Variants in ANKS1B observed in about 807,000 individuals in gnomAD.
ANKS1B encodes the protein ankyrin repeat and sterile alpha motif domain-containing protein 1B.
ANKS1B carries 36 observed loss-of-function variants against 148.3 expected under a neutral mutation model. The ratio of observed to expected loss-of-function variants is 0.24; its 90% CI spans 0.19 to 0.32. ANKS1B has a LOEUF of 0.32. Ranked by LOEUF, ANKS1B falls within the 10% of genes least tolerant of loss-of-function variation. The pLI, the probability that ANKS1B is intolerant of heterozygous loss-of-function variation, is 1.00. For missense variants in ANKS1B, 1,157 were observed against 1,542.6 expected, an observed-to-expected ratio of 0.75 and a Z score of 4.19; for synonymous variants, 542 against 560.8, an observed-to-expected ratio of 0.97 and a Z score of 0.47.
chr12:98,756,789 G>A (rs183518650), intron 25 of ANKS1B, among the ~76,000 whole-genome samples: 1,926 of 149,098 alleles, frequency 0.013, 22 homozygotes, highest in Admixed American at 0.03. Context: ...GTACAATGGC[G>A]CGATCTTGGC....
At chr12:99,544,242 T>G (rs2097153029) in intron 9 of ANKS1B, among the ~76,000 whole-genome samples, 1 of 152,120 alleles carries the variant, frequency 6.6e-6, no homozygotes, top group Admixed American at 6.6e-5. Context: ...AATATTGAAA[T>G]CAATAAGTTA....
At chr12:99,043,974 C>A (rs1020553056) in intron 17 of ANKS1B, among the ~76,000 whole-genome samples, 4 of 152,188 alleles carry the variant, frequency 2.6e-5, no homozygotes, top group Non-Finnish European at 4.4e-5. Flanking sequence ...CTTAAGAGAG[C>A]AGAGGTTTAT....
intron 15 of ANKS1B, among the ~76,000 whole-genome samples, chr12:99,102,673 GGCAGAGGTT>G (rs1368089750): frequency 6.6e-6 from 1 of 152,336 alleles, no homozygotes; most frequent in East Asian, 1.9e-4. Flanking sequence ...GATCCTGGGA[GGCAGAGGTT>G]GCAGTAAACT....
chr12:99,084,173 G>T (rs1231143454), intron 16 of ANKS1B, among the ~76,000 whole-genome samples: 2 of 152,136 alleles, frequency 1.3e-5, no homozygotes, highest in Non-Finnish European at 2.9e-5. Context: ...GTGTAATTAG[G>T]TCCCTTGTAG....
chr12:99,117,234 T>C (rs1338620520), intron 15 of ANKS1B, among the ~76,000 whole-genome samples: 2 of 152,214 alleles, frequency 1.3e-5, no homozygotes, highest in African/African-American at 4.8e-5. Context: ...TCCAACACTA[T>C]GTTGAATAGG....
At chr12:99,884,797 C>G (rs935596760) in intron 1 of ANKS1B, among the ~76,000 whole-genome samples, 4 of 152,048 alleles carry the variant, frequency 2.6e-5, no homozygotes, top group Non-Finnish European at 2.9e-5. Flanking sequence ...GACAATGGAA[C>G]CCTTTAGTAT....
intron 9 of ANKS1B, among the ~76,000 whole-genome samples, chr12:99,591,406 C>A (rs1220827582): frequency 6.6e-6 from 1 of 151,920 alleles, no homozygotes; most frequent in South Asian, 2.1e-4. Context: ...GGTTTTCAGA[C>A]TTATAACAAG....
chr12:99,648,250 G>C (rs2098391173), intron 9 of ANKS1B: 1 of 1,614,178 alleles, frequency 6.2e-7, no homozygotes, highest in East Asian at 2.2e-5. Flanking sequence ...CACCTCCATG[G>C]GGAAGCTGCA....
At chr12:98,756,329 TAA>T (rs1311088816) in intron 25 of ANKS1B, among the ~76,000 whole-genome samples, 2 of 152,142 alleles carry the variant, frequency 1.3e-5, no homozygotes, top group African/African-American at 4.8e-5. Flanking sequence ...TACTGCCACA[TAA>T]GATGTGCCTT....
Position 99,806,849 on chromosome 12 carries a change from G to C in ANKS1B, c.373-149C>G, listed in dbSNP as rs183528818. On this transcript the variant is annotated intron_variant, in intron 3 of 26. Coordinates refer to ENST00000683438, the MANE Select transcript of ANKS1B (RefSeq NM_001352186.2). ...GTATGCCTAATGGAATTTTATATTTGATAAAAGTATCTAGGATTCATTGAA... is the reference window on the plus strand; with the variant it reads ...GTATGCCTAATGGAATTTTATATTTCATAAAAGTATCTAGGATTCATTGAA... 11 of 856,554 alleles carry C rather than the reference G, an allele frequency of 1.3e-5. No individual in the cohort carries two copies. The African/African-American group carries it at 1.7e-4, about 13-fold the overall frequency. 53.1% of individuals were successfully genotyped at this position (856,554 alleles called of 1,614,324 possible).
chr12:99,112,722 T>C (rs990350488), intron 15 of ANKS1B, among the ~76,000 whole-genome samples: 5 of 152,214 alleles, frequency 3.3e-5, no homozygotes, highest in East Asian at 3.8e-4. Context: ...ACAGCTGGCA[T>C]TATGATCCAC....
chr12:98,981,997 C>G (rs61932232), intron 17 of ANKS1B, among the ~76,000 whole-genome samples: 1 of 151,918 alleles, frequency 6.6e-6, no homozygotes, highest in Non-Finnish European at 1.5e-5. Flanking sequence ...TTAAACTGAG[C>G]GCTAGATGGA....
chr12:99,846,947 TC>T (rs2086766988), intron 1 of ANKS1B, among the ~76,000 whole-genome samples: 1 of 152,118 alleles, frequency 6.6e-6, no homozygotes, highest in African/African-American at 2.4e-5. Context: ...CAACTGGGTT[TC>T]CTTCCCAAAG....
chr12:99,288,613 G>A (rs182665298), intron 12 of ANKS1B, among the ~76,000 whole-genome samples: 112 of 152,116 alleles, frequency 7.4e-4, no homozygotes, highest in Non-Finnish European at 1.3e-3. Flanking sequence ...GGGTGATAAA[G>A]TTAAAGTGTA....
chr12:99,907,812 TA>T (rs751468199), intron 1 of ANKS1B, among the ~76,000 whole-genome samples: 20,927 of 100,036 alleles, frequency 0.21, 2,014 homozygotes, highest in Middle Eastern at 0.27. Context: ...GAGAAATTCT[TA>T]AAAAAAAAAA....
intron 17 of ANKS1B, among the ~76,000 whole-genome samples, chr12:98,880,395 G>T (rs1028918209): frequency 6.6e-5 from 10 of 152,140 alleles, no homozygotes; most frequent in Non-Finnish European, 1.3e-4. Context: ...CTGGGTTTTG[G>T]TAACAATATG....
chr12:99,401,673 A>C (rs2094407866), intron 11 of ANKS1B, among the ~76,000 whole-genome samples: 1 of 146,892 alleles, frequency 6.8e-6, no homozygotes, highest in African/African-American at 2.6e-5. Flanking sequence ...ATAGGAATAA[A>C]ACAAGACACT....
intron 12 of ANKS1B, among the ~76,000 whole-genome samples, chr12:99,380,310 C>G (rs768030001): frequency 6.6e-6 from 1 of 152,170 alleles, no homozygotes; most frequent in Non-Finnish European, 1.5e-5. Flanking sequence ...AAATTACAAA[C>G]GGTGCTTCTT....
intron 11 of ANKS1B, among the ~76,000 whole-genome samples, chr12:99,435,991 G>A (rs768012488): frequency 6.6e-6 from 1 of 151,580 alleles, no homozygotes; most frequent in African/African-American, 2.4e-5. Flanking sequence ...TTTCCAAATC[G>A]CTCTTTGTTT....
Sources: gnomAD v4.1 joint callset for allele counts (sites outside exome capture counted in the v4.1 genomes callset) on GRCh38, gnomAD v4.1.1 for gene constraint, MANE v1.5 for transcripts, NCBI Gene and HGNC (gene_info 2026-07-23, HGNC 2026-07-21) for gene names.